FAM161A: variants seen among roughly 807,000 people sequenced by gnomAD.
FAM161A encodes the protein protein FAM161A.
Under a neutral mutation model 70.9 loss-of-function variants are expected in FAM161A, and 57 were observed. The observed-to-expected ratio is 0.80, with a 90% CI of 0.65 to 1.00. The LOEUF is 1.00. Among genes scored for constraint, FAM161A ranks in the 50% least tolerant of loss-of-function variants. The pLI, the probability that FAM161A is intolerant of heterozygous loss-of-function variation, is 0.00. For synonymous variants in FAM161A, 299 were observed against 295.7 expected, an observed-to-expected ratio of 1.01 and a Z score of -0.12; for missense variants, 880 against 836.0, an observed-to-expected ratio of 1.05 and a Z score of -0.65.
chr2:61,823,453 C>T (rs1672254835), downstream of FAM161A, among the ~76,000 whole-genome samples: 1 of 150,514 alleles, frequency 6.6e-6, no homozygotes, highest in Non-Finnish European at 1.5e-5. Context: ...CAGCCTCAAC[C>T]ACCTGGGCTG....
chr2:61,809,355 T>C, the FAM161A span, among the ~76,000 whole-genome samples: 1 of 152,234 alleles, frequency 6.6e-6, no homozygotes, highest in Non-Finnish European at 1.5e-5. Flanking sequence ...TATATGCTCT[T>C]GTCCAAACTA....
intron 1 of FAM161A, among the ~76,000 whole-genome samples, chr2:61,842,886 G>C (rs946473731): frequency 2.6e-5 from 4 of 152,186 alleles, no homozygotes; most frequent in Non-Finnish European, 5.9e-5. Context: ...TTATCAAGGA[G>C]CCAGGGAGAA....
At chr2:61,813,711 C>A in the FAM161A span, among the ~76,000 whole-genome samples, 24 of 142,030 alleles carry the variant, frequency 1.7e-4, no homozygotes, top group East Asian at 4.4e-3. Context: ...AGAGCAAGAC[C>A]CTGTCTCAAA....
At chr2:61,816,712 C>G in the FAM161A span, among the ~76,000 whole-genome samples, 1 of 152,162 alleles carries the variant, frequency 6.6e-6, no homozygotes, top group African/African-American at 2.4e-5. Flanking sequence ...CATGATCTTC[C>G]CACTTCGGCC....
At chr2:61,844,793 A>G (rs1469974704) in intron 1 of FAM161A, among the ~76,000 whole-genome samples, 3 of 152,230 alleles carry the variant, frequency 2.0e-5, no homozygotes, top group Non-Finnish European at 4.4e-5. Flanking sequence ...CAGCTGACTT[A>G]GAATGAGACA....
chr2:61,821,764 T>C (rs1255757082), downstream of FAM161A, among the ~76,000 whole-genome samples: 1 of 151,700 alleles, frequency 6.6e-6, no homozygotes, highest in Non-Finnish European at 1.5e-5. Flanking sequence ...TTTTATTTTA[T>C]TTTATTTATT....
In FAM161A at chr2:61,831,506, T is replaced by C. The variant is rs193150539; in HGVS notation, c.1852-4248A>G. On this transcript the variant is annotated intron_variant, in intron 5 of 6. Coordinates refer to ENST00000404929, the MANE Select transcript of FAM161A (RefSeq NM_001201543.2). ...TGAATGACTACATTTGTCTGTCTTG[T>C]TTCTATCTGACTTTAAGGGTCTCAA... Among the ~76,000 whole-genome samples, 375 of 152,332 alleles carry C rather than the reference T, an allele frequency of 2.5e-3. 2 individuals carry two copies. The highest frequency in any genetic ancestry group is 8.6e-3 in the African/African-American group (357 of 41,580).
In FAM161A at chr2:61,839,751, A is replaced by C; in HGVS notation, c.1253T>G (p.Leu418Trp). 1 of 1,614,174 alleles carries C rather than the reference A, an allele frequency of 6.2e-7. No homozygotes were observed. The highest frequency in any genetic ancestry group is 8.5e-7 in the Non-Finnish European group (1 of 1,180,038). Reference sequence around the variant, plus strand: ...GCACCTAACCTTGTGTTTACACTTCAACTTTACAGCCTGTTCAGGACACCT... The same window carrying C: ...GCACCTAACCTTGTGTTTACACTTCCACTTTACAGCCTGTTCAGGACACCT... ...NPRCPEQAVK[L>W]KCKHKVRCPT... Residue 418 changes from leucine (L) to tryptophan (W), a missense_variant, in exon 3 of 7, where the codon TTG (leucine) becomes TGG (tryptophan). Physicochemically the swap from Leu to Trp is moderately conservative, Grantham distance 61 (BLOSUM62 -2). Coordinates refer to ENST00000404929, the MANE Select transcript of FAM161A (RefSeq NM_001201543.2).
In FAM161A at chr2:61,853,970, T is replaced by G; in HGVS notation, c.72A>C (p.Gly24=). Residue 24 remains glycine, a synonymous_variant, in exon 1 of 7, where the codon GGA becomes GGC. Transcript: ENST00000404929. ...SLQTPVNPIT[G]ARVAQYERED... is the part of the protein sequence containing the mutation. ...CGCGTTCGTACTGGGCGACCCGCGC[T>G]CCAGTGATGGGATTTACCGGGGTCT... is the stretch of plus-strand genomic sequence containing the variant. The G allele has an allele frequency of 4.3e-6, 7 of 1,613,798 alleles. No homozygotes were observed. Among genetic ancestry groups the G allele is most frequent in the Non-Finnish European group, 5.9e-6 (7 of 1,179,816 alleles).
intron 5 of FAM161A, among the ~76,000 whole-genome samples, chr2:61,828,514 G>A (rs1397131500): frequency 2.0e-5 from 3 of 152,046 alleles, no homozygotes; most frequent in African/African-American, 7.2e-5. Flanking sequence ...TTTTTTGTAG[G>A]ACGGGGCGTC....
chr2:61,817,039 C>A, the FAM161A span, among the ~76,000 whole-genome samples: 1 of 152,180 alleles, frequency 6.6e-6, no homozygotes, highest in African/African-American at 2.4e-5. Context: ...TTTATACTAA[C>A]TTTATCTAAA....
chr2:61,839,546 T>C lies in FAM161A; in HGVS notation c.1458A>G (p.Thr486=), dbSNP rs754274243. ...GCCTTGGAGACAAATAAGGCCAACGTGTTTCTTTTAAATTTTCTTCATCTG... is the reference window on the plus strand; with the variant it reads ...GCCTTGGAGACAAATAAGGCCAACGCGTTTCTTTTAAATTTTCTTCATCTG... ...IEADEENLKE[T]RWPYLSPRRK... is the part of the protein sequence containing the mutation. The change falls in exon 3 of 7, where the codon ACA becomes ACG. Residue 486 remains threonine (T), a synonymous_variant. Coordinates refer to ENST00000404929, the MANE Select transcript of FAM161A (RefSeq NM_001201543.2). The C allele has an allele frequency of 6.2e-7, 1 of 1,614,074 alleles. No individual in the cohort carries two copies. Among genetic ancestry groups the C allele is most frequent in the Non-Finnish European group, 8.5e-7 (1 of 1,180,036 alleles).
At chr2:61,845,194 C>T (rs1381818527) in intron 1 of FAM161A, among the ~76,000 whole-genome samples, 1 of 151,932 alleles carries the variant, frequency 6.6e-6, no homozygotes, top group African/African-American at 2.4e-5. Flanking sequence ...TTGGAGAACA[C>T]CAACATTTAA....
At chr2:61,808,418 G>A in the FAM161A span, among the ~76,000 whole-genome samples, 5 of 151,832 alleles carry the variant, frequency 3.3e-5, no homozygotes, top group Admixed American at 6.6e-5. Flanking sequence ...GGCTACAGGC[G>A]CCTGCCACCA....
chr2:61,804,768 G>GAAAGAAAGAA, the FAM161A span, among the ~76,000 whole-genome samples: 3,389 of 119,010 alleles, frequency 0.028, 76 homozygotes, highest in African/African-American at 0.042. Flanking sequence ...GAAAAAGAAA[G>GAAAGAAAGAA]AGAAAGAAAG....
At chr2:61,839,107 ACTCCTGACCTTGTGATC>A (rs1452623930) in intron 3 of FAM161A, among the ~76,000 whole-genome samples, 2 of 150,330 alleles carry the variant, frequency 1.3e-5, no homozygotes, top group African/African-American at 4.9e-5. Flanking sequence ...GTGGTCTTGA[ACTCCTGACCTTGTGATC>A]CACCTGCCTC....
the FAM161A span, among the ~76,000 whole-genome samples, chr2:61,801,571 T>G: frequency 2.0e-3 from 166 of 84,910 alleles, 1 homozygote; most frequent in African/African-American, 7.2e-3. Flanking sequence ...TTTTTTGGTT[T>G]TTTTTTTTTT....
chr2:61,843,794 C>A (rs565704848), intron 1 of FAM161A, among the ~76,000 whole-genome samples: 10 of 152,128 alleles, frequency 6.6e-5, no homozygotes, highest in African/African-American at 2.4e-4. Flanking sequence ...AATCAGCATA[C>A]AAGAGGACAA....
chr2:61,832,340 A>G (rs1251772835), intron 5 of FAM161A, among the ~76,000 whole-genome samples: 1 of 152,214 alleles, frequency 6.6e-6, no homozygotes, highest in Admixed American at 6.5e-5. Flanking sequence ...GGAATATTTA[A>G]TAAATGGGAA....
Sources: gnomAD v4.1 joint callset for allele counts (sites outside exome capture counted in the v4.1 genomes callset) on GRCh38, gnomAD v4.1.1 for gene constraint, MANE v1.5 for transcripts, NCBI Gene and HGNC (gene_info 2026-07-23, HGNC 2026-07-21) for gene names.